The following GRIK2 variants were observed in gnomAD, a reference collection of about 807,000 sequenced individuals.
GRIK2 encodes glutamate receptor ionotropic, kainate 2.
In GRIK2, 32 loss-of-function variants were observed where a neutral mutation model predicts 100.3. That is an observed-to-expected ratio of 0.32 (90% CI 0.24 to 0.43). The LOEUF (loss-of-function observed/expected upper bound fraction) is 0.43. GRIK2 is among the 20% of genes least tolerant of loss of function. The pLI is 1.00. For missense variants in GRIK2, 843 were observed against 1,114.9 expected (o/e 0.76, Z 3.47); for synonymous variants, 417 against 389.4 (o/e 1.07, Z -0.83).
At chr6:101,561,867 G>A (rs1324962954) in intron 2 of GRIK2, among the ~76,000 whole-genome samples, 6 of 152,158 alleles carry the variant, frequency 3.9e-5, no homozygotes, top group Admixed American at 3.9e-4. Context: ...CATGCCTGGG[G>A]CACCGAGTGA....
chr6:102,000,613 T>C (rs2114257346), intron 14 of GRIK2, among the ~76,000 whole-genome samples: 1 of 152,270 alleles, frequency 6.6e-6, no homozygotes, highest in Non-Finnish European at 1.5e-5. Flanking sequence ...GCTTTGGTAA[T>C]TTGTGTCTTT....
At chr6:101,805,336 C>T (rs1464237304) in intron 9 of GRIK2, among the ~76,000 whole-genome samples, 1 of 150,642 alleles carries the variant, frequency 6.6e-6, no homozygotes, top group Non-Finnish European at 1.5e-5. Context: ...AAGTGCAGGG[C>T]AAAGGGCTGC....
chr6:101,650,774 G>T (rs1781747651), intron 4 of GRIK2, among the ~76,000 whole-genome samples: 1 of 151,422 alleles, frequency 6.6e-6, no homozygotes, highest in Non-Finnish European at 1.5e-5. Context: ...CCTTTATTTT[G>T]CAGTTAACTG....
intron 2 of GRIK2, among the ~76,000 whole-genome samples, chr6:101,613,434 A>G (rs571255133): frequency 1.3e-4 from 20 of 151,836 alleles, no homozygotes; most frequent in Non-Finnish European, 2.5e-4. Context: ...AATTACCTTG[A>G]TACATTAGAT....
intron 7 of GRIK2, among the ~76,000 whole-genome samples, chr6:101,707,586 GTGTGTGTGTATATATGTGTGTATATATA>G (rs1773409144): frequency 2.3e-5 from 3 of 132,568 alleles, no homozygotes; most frequent in African/African-American, 9.4e-5. Flanking sequence ...ATGTGTGTGT[GTGTGTGTGTATATATGTGTGTATATATA>G]TATATATATA....
chr6:101,880,453 G>A (rs1479016917), intron 11 of GRIK2, among the ~76,000 whole-genome samples: 1 of 151,950 alleles, frequency 6.6e-6, no homozygotes, highest in Non-Finnish European at 1.5e-5. Flanking sequence ...AAAGAGTTGT[G>A]TATAAGCTCT....
intron 3 of GRIK2, 42 bp downstream of exon 3, chr6:101,622,158 A>G: frequency 8.4e-7 from 1 of 1,196,846 alleles, no homozygotes; most frequent in South Asian, 1.4e-5. Context: ...CTGGAATTCA[A>G]ATTTCTAGGT....
intron 7 of GRIK2, among the ~76,000 whole-genome samples, chr6:101,776,117 G>T (rs947030447): frequency 1.3e-5 from 2 of 152,064 alleles, no homozygotes; most frequent in Non-Finnish European, 2.9e-5. Context: ...TTTCTTCTTC[G>T]AAGAATGAGG....
At chr6:101,648,460 C>T (rs886285455) in intron 4 of GRIK2, among the ~76,000 whole-genome samples, 7 of 152,002 alleles carry the variant, frequency 4.6e-5, no homozygotes, top group Non-Finnish European at 1.0e-4. Flanking sequence ...AATTGTTAGG[C>T]CATATTACCT....
intron 7 of GRIK2, among the ~76,000 whole-genome samples, chr6:101,780,542 GCA>G (rs1779021551): frequency 6.6e-6 from 1 of 152,022 alleles, no homozygotes. Context: ...CAGTTCTGTG[GCA>G]CAGAGTTAAG....
rs192642151 is a variant in GRIK2, at chr6:101,829,983, A to C, written c.1317+11500A>C. Among the ~76,000 whole-genome samples the C allele has an allele frequency of 5.6e-3, 845 of 152,184 alleles. 27 individuals carry two copies. Among genetic ancestry groups the C allele is most frequent in the Admixed American group, 0.052 (787 of 15,262 alleles). On this transcript the variant is annotated intron_variant, in intron 10 of 16. Transcript: ENST00000369134. ...TGAATATCTACGGCAACTCTATACA[A>C]AAAGAGAAAAGCCAGAGGCATCACA...
intron 14 of GRIK2, among the ~76,000 whole-genome samples, chr6:102,028,791 C>T (rs1040030209): frequency 1.3e-5 from 2 of 150,864 alleles, no homozygotes; most frequent in African/African-American, 4.9e-5. Flanking sequence ...AATTCTTTTG[C>T]AAAATCATGA....
intron 7 of GRIK2, among the ~76,000 whole-genome samples, chr6:101,687,959 G>A (rs951135619): frequency 6.7e-6 from 1 of 150,040 alleles, no homozygotes; most frequent in Non-Finnish European, 1.5e-5. Context: ...GTTTAAAGAT[G>A]GTGAATCAAA....
At chr6:101,549,104 G>T (rs1362204295) in intron 2 of GRIK2, among the ~76,000 whole-genome samples, 1 of 152,122 alleles carries the variant, frequency 6.6e-6, no homozygotes, top group East Asian at 1.9e-4. Context: ...TATTAAAAGT[G>T]TCCAATTCTC....
intron 2 of GRIK2, among the ~76,000 whole-genome samples, chr6:101,445,815 T>C (rs1468433416): frequency 3.9e-5 from 6 of 152,098 alleles, no homozygotes; most frequent in African/African-American, 1.4e-4. Flanking sequence ...ATGGCACACA[T>C]AGAAACTATT....
chr6:101,877,123 C>T (rs1056656060), intron 11 of GRIK2, among the ~76,000 whole-genome samples: 2 of 151,518 alleles, frequency 1.3e-5, no homozygotes, highest in African/African-American at 4.8e-5. Context: ...AATGTTACAA[C>T]TAAACACAGA....
intron 7 of GRIK2, among the ~76,000 whole-genome samples, chr6:101,734,680 T>C (rs1487541571): frequency 6.6e-6 from 1 of 152,108 alleles, no homozygotes. Context: ...CTGGAGCAGA[T>C]CCTACAGGGC....
chr6:101,454,049 C>G (rs934641941), intron 2 of GRIK2, among the ~76,000 whole-genome samples: 30 of 151,986 alleles, frequency 2.0e-4, no homozygotes, highest in Non-Finnish European at 1.2e-4. Context: ...AATTCACACC[C>G]TTTGAAGAAG....
intron 2 of GRIK2, among the ~76,000 whole-genome samples, chr6:101,455,254 T>C (rs1770938634): frequency 6.6e-6 from 1 of 152,076 alleles, no homozygotes; most frequent in Non-Finnish European, 1.5e-5. Flanking sequence ...AAGTGGGTAA[T>C]GTGTTTTGAA....
Sources: allele counts gnomAD v4.1 joint callset (sites outside exome capture counted in the v4.1 genomes callset), GRCh38; gene constraint gnomAD v4.1.1; transcripts MANE v1.5; gene names NCBI Gene and HGNC (gene_info 2026-07-23, HGNC 2026-07-21).